Variants in ATP6V1D observed in about 807,000 individuals in gnomAD.
ATP6V1D encodes the protein V-type proton ATPase subunit D.
In ATP6V1D, 20 loss-of-function variants were observed where a neutral mutation model predicts 39.4. The observed-to-expected ratio is 0.51, with a 90% CI of 0.36 to 0.74. The LOEUF (loss-of-function observed/expected upper bound fraction) is 0.74, where lower values mean the gene tolerates loss of function less well. Among genes scored for constraint, ATP6V1D ranks in the 30% least tolerant of loss-of-function variants. The pLI is 0.00. For synonymous variants in ATP6V1D, 100 were observed against 100.5 expected (o/e 0.99, Z 0.03); for missense variants, 228 against 291.6 (o/e 0.78, Z 1.59).
intron 7 of ATP6V1D, among the ~76,000 whole-genome samples, chr14:67,342,181 AAAATAAATAAAT>A (rs138921606): frequency 0.029 from 2,863 of 99,584 alleles, 38 homozygotes; most frequent in Admixed American, 0.048. Context: ...AATGATCAAT[AAAATAAATAAAT>A]AAATAAATAA....
At chr14:67,341,983 GCAGCATGCTCGTTAAGAGT>G (rs1207500889) in intron 7 of ATP6V1D, among the ~76,000 whole-genome samples, 1 of 151,634 alleles carries the variant, frequency 6.6e-6, no homozygotes. Context: ...ATGCTTGAAG[GCAGCATGCTCGTTAAGAGT>G]CATCACCACT....
chr14:67,346,715 G>C (rs987247132), intron 5 of ATP6V1D, among the ~76,000 whole-genome samples: 2 of 152,224 alleles, frequency 1.3e-5, no homozygotes, highest in Admixed American at 1.3e-4. Flanking sequence ...TTAAAAAGTG[G>C]AAGTGGGCTA....
intron 6 of ATP6V1D, among the ~76,000 whole-genome samples, chr14:67,345,283 G>A (rs966752665): frequency 6.6e-5 from 10 of 151,606 alleles, no homozygotes; most frequent in Non-Finnish European, 1.2e-4. Flanking sequence ...GGGGCCAGGT[G>A]CAGTGGCTCA....
rs1247630386 is a variant in ATP6V1D, at chr14:67,338,373, T to C, written c.*248A>G. 2.4e-6 allele frequency: 1 copy of C among 419,222 alleles called. No homozygotes were observed. Among genetic ancestry groups the C allele is most frequent in the South Asian group, 4.2e-5 (1 of 23,974 alleles). The allele number at this position is 419,222 out of a possible 1,614,324, so 26.0% of individuals were successfully genotyped here. A position where few individuals can be genotyped will look rare whatever the true frequency, so the allele number is the denominator to read the frequency against. On this transcript the variant is annotated 3_prime_UTR_variant, in exon 9 of 9. Transcript: ENST00000216442. ...GTGTAACACAGATGTAAATGGAGTATGATAACGCTTCTGCAAAGTAAATTC... is the reference window on the plus strand; with the variant it reads ...GTGTAACACAGATGTAAATGGAGTACGATAACGCTTCTGCAAAGTAAATTC...
intron 2 of ATP6V1D, among the ~76,000 whole-genome samples, chr14:67,351,446 C>T (rs2085653069): frequency 6.6e-6 from 1 of 152,128 alleles, no homozygotes; most frequent in Non-Finnish European, 1.5e-5. Context: ...TTATATGTAA[C>T]TCAGAAGCTA....
intron 2 of ATP6V1D, among the ~76,000 whole-genome samples, chr14:67,352,522 G>A (rs1220119282): frequency 1.3e-5 from 2 of 152,146 alleles, no homozygotes; most frequent in Admixed American, 6.5e-5. Context: ...TGTGAGAGAA[G>A]CAAACATGGT....
intron 1 of ATP6V1D, among the ~76,000 whole-genome samples, chr14:67,357,574 C>T (rs2085693938): frequency 6.6e-6 from 1 of 152,122 alleles, no homozygotes; most frequent in African/African-American, 2.4e-5. Context: ...GTAAAAGTTT[C>T]AAAGTAAAAA....
chr14:67,340,347 T>G, intron 8 of ATP6V1D, 93 bp downstream of exon 8: 1 of 1,057,928 alleles, frequency 9.5e-7, no homozygotes, highest in Admixed American at 1.9e-5. Flanking sequence ...CTGTGCTAAT[T>G]CTAAAGAACA....
At chr14:67,347,557 A>C (rs1875929397) in intron 4 of ATP6V1D, 104 bp from the exon 5 acceptor site, 1 of 987,484 alleles carries the variant, frequency 1.0e-6, no homozygotes, top group African/African-American at 1.7e-5. Context: ...GCTGGAATGC[A>C]ATGGCGTGAT....
intron 1 of ATP6V1D, among the ~76,000 whole-genome samples, chr14:67,355,917 T>C (rs954674628): frequency 6.6e-6 from 1 of 151,946 alleles, no homozygotes; most frequent in African/African-American, 2.4e-5. Context: ...AGAGGACTGA[T>C]TGAGCCCAGG....
At chr14:67,352,806 T>C in intron 2 of ATP6V1D, 117 bp downstream of exon 2, 3 of 674,308 alleles carry the variant, frequency 4.4e-6, no homozygotes, top group Non-Finnish European at 7.5e-6. Flanking sequence ...CTTATAATGG[T>C]ATTTTTACTT....
chr14:67,343,326 AG>A (rs1566597570), intron 7 of ATP6V1D, 45 bp downstream of exon 7: 1 of 1,423,476 alleles, frequency 7.0e-7, no homozygotes, highest in Non-Finnish European at 9.8e-7. Context: ...CGACAAGTGG[AG>A]GGTATGGACA....
intron 1 of ATP6V1D, 70 bp from the exon 2 acceptor site, chr14:67,353,110 C>T: frequency 1.7e-6 from 2 of 1,205,150 alleles, no homozygotes; most frequent in Non-Finnish European, 2.4e-6. Flanking sequence ...CCCTCCCCAC[C>T]AGTGTTAAAA....
chr14:67,359,634 G>C (rs772712634), intron 1 of ATP6V1D, 24 bp downstream of exon 1: 7 of 1,613,564 alleles, frequency 4.3e-6, no homozygotes, highest in Non-Finnish European at 4.2e-6. Context: ...CTGTGAAAGC[G>C]GCTTATCCCA....
intron 3 of ATP6V1D, among the ~76,000 whole-genome samples, chr14:67,349,618 T>G (rs1366561347): frequency 6.6e-6 from 1 of 152,182 alleles, no homozygotes; most frequent in Non-Finnish European, 1.5e-5. Flanking sequence ...GAGGATTGTT[T>G]GAGGCCAGGA....
intron 2 of ATP6V1D, among the ~76,000 whole-genome samples, chr14:67,351,907 C>A (rs1241105229): frequency 8.9e-6 from 1 of 112,742 alleles, no homozygotes; most frequent in Admixed American, 1.0e-4. Flanking sequence ...CATAGAACCT[C>A]TACCAAAAAA....
intron 8 of ATP6V1D, 53 bp downstream of exon 8, chr14:67,340,387 C>G: frequency 2.0e-6 from 3 of 1,476,356 alleles, no homozygotes; most frequent in South Asian, 2.3e-5. Context: ...GCAAATACAG[C>G]CTTTGGAATA....
rs540402836 is a variant in ATP6V1D, at chr14:67,349,241, T to C, written c.240-137A>G. 1.9e-5 allele frequency: 16 copies of C among 842,820 alleles called. No individual in the cohort carries two copies. The East Asian group carries it at 3.0e-4, about 16-fold the overall frequency. 52.2% of individuals were successfully genotyped at this position (842,820 alleles called of 1,614,324 possible). Reference sequence around the variant, plus strand: ...AGTATGTTTTGATAACTGTCCTTTTTCCAAAAAGGGAGAAAAGTCATTACT... The same window carrying C: ...AGTATGTTTTGATAACTGTCCTTTTCCCAAAAAGGGAGAAAAGTCATTACT... On this transcript the variant is annotated intron_variant, in intron 3 of 8. Transcript: ENST00000216442.
intron 5 of ATP6V1D, 64 bp from the exon 6 acceptor site, chr14:67,345,935 A>C: frequency 2.0e-6 from 2 of 998,412 alleles, no homozygotes; most frequent in Non-Finnish European, 3.1e-6. Flanking sequence ...AAAATTCCCC[A>C]AAAGGAGATA....
Sources: gnomAD v4.1 joint callset for allele counts (sites outside exome capture counted in the v4.1 genomes callset) on GRCh38, gnomAD v4.1.1 for gene constraint, MANE v1.5 for transcripts, NCBI Gene and HGNC (gene_info 2026-07-23, HGNC 2026-07-21) for gene names.